Variants in ITGA9 observed in about 807,000 individuals in gnomAD.
ITGA9 encodes integrin alpha-9.
In ITGA9, 56 loss-of-function variants were observed where a neutral mutation model predicts 127.8. That is an observed-to-expected ratio of 0.44 (90% CI 0.35 to 0.55). The LOEUF is 0.55. ITGA9 is among the 20% of genes least tolerant of loss of function. The pLI is 0.00. For missense variants in ITGA9, 1,196 were observed against 1,347.1 expected (o/e 0.89, Z 1.76); for synonymous variants, 508 against 514.5 (o/e 0.99, Z 0.17).
At chr3:37,692,375 C>T (rs1575194921) in intron 18 of ITGA9, among the ~76,000 whole-genome samples, 1 of 150,948 alleles carries the variant, frequency 6.6e-6, no homozygotes, top group South Asian at 2.1e-4. Context: ...CAAAAATTAT[C>T]AGTCATTGTC....
In ITGA9 at chr3:37,455,266, A is replaced by G. The variant is rs147218199; in HGVS notation, c.185+2707A>G. ...TCATTTTCAATTATTCGTGATTGCA[A>G]ACAGCAGCAGGGGTAAACAACCTTT... On this transcript the variant is annotated intron_variant, in intron 1 of 27. Transcript: ENST00000264741. Among the ~76,000 whole-genome samples, 113 of 152,320 alleles carry G rather than the reference A, an allele frequency of 7.4e-4. 1 individual carries two copies. In the Middle Eastern group the frequency reaches 0.027, roughly 37 times the overall value.
Position 37,741,772 on chromosome 3 carries a change from C to T in ITGA9, c.2277C>T (p.Leu759=), listed in dbSNP as rs768799334. The change falls in exon 21 of 28, where the codon CTC becomes CTT. Residue 759 remains leucine (L), a synonymous_variant. Coordinates refer to ENST00000264741, the MANE Select transcript of ITGA9 (RefSeq NM_002207.3). ...CTGAATCCCTGCATGACAACACCCT[C>T]GTGCTGATGGTGCCACTGATGCACG... The part of the protein sequence containing the change: ...ERSESLHDNT[L]VLMVPLMHEV... The T allele has an allele frequency of 1.1e-5, 17 of 1,613,774 alleles. No individual in the cohort carries two copies. The Admixed American group carries it at 2.2e-4, about 21-fold the overall frequency.
At chr3:37,455,243 A>AT (rs2125544540) in intron 1 of ITGA9, among the ~76,000 whole-genome samples, 1 of 152,302 alleles carries the variant, frequency 6.6e-6, no homozygotes, top group Non-Finnish European at 1.5e-5. Flanking sequence ...CATGTCAGTC[A>AT]TTTTCAATTA....
At chr3:37,816,342 A>G (rs999535451) in intron 27 of ITGA9, among the ~76,000 whole-genome samples, 3 of 152,186 alleles carry the variant, frequency 2.0e-5, no homozygotes, top group African/African-American at 7.2e-5. Context: ...CTCTGGAATT[A>G]CAACTGAGTG....
chr3:37,674,088 A>T (rs1700660503), intron 17 of ITGA9, among the ~76,000 whole-genome samples: 1 of 152,210 alleles, frequency 6.6e-6, no homozygotes. Context: ...TGGCGGCATT[A>T]TTCTTAGGAG....
chr3:37,760,533 G>C (rs1696711656), intron 23 of ITGA9, among the ~76,000 whole-genome samples: 1 of 151,844 alleles, frequency 6.6e-6, no homozygotes, highest in Non-Finnish European at 1.5e-5. Flanking sequence ...AGAAAAGAGG[G>C]CAGAAAAAAA....
chr3:37,457,497 C>G (rs1409531594), intron 1 of ITGA9, among the ~76,000 whole-genome samples: 1 of 152,186 alleles, frequency 6.6e-6, no homozygotes, highest in East Asian at 1.9e-4. Context: ...GTGGTGGGAG[C>G]CCTGCCTTCT....
At chr3:37,782,640 C>T (rs1484749772) in intron 25 of ITGA9, among the ~76,000 whole-genome samples, 2 of 152,228 alleles carry the variant, frequency 1.3e-5, no homozygotes, top group Non-Finnish European at 2.9e-5. Context: ...CTGAAGCCAG[C>T]TACAGCCTCC....
chr3:37,467,628 G>A (rs988082752), intron 1 of ITGA9, among the ~76,000 whole-genome samples: 2 of 152,188 alleles, frequency 1.3e-5, no homozygotes, highest in African/African-American at 4.8e-5. Flanking sequence ...TCCCTCGGAC[G>A]TGATGAATTC....
intron 15 of ITGA9, among the ~76,000 whole-genome samples, chr3:37,598,649 T>C (rs1336960158): frequency 6.6e-6 from 1 of 152,062 alleles, no homozygotes; most frequent in African/African-American, 2.4e-5. Context: ...CTCTATGGGA[T>C]TTTGCCCCTC....
intron 15 of ITGA9, among the ~76,000 whole-genome samples, chr3:37,598,052 C>T (rs896214775): frequency 6.6e-6 from 1 of 152,142 alleles, no homozygotes; most frequent in Non-Finnish European, 1.5e-5. Flanking sequence ...ATGTGATCTT[C>T]GGTGATTTAT....
intron 23 of ITGA9, among the ~76,000 whole-genome samples, chr3:37,756,552 C>T (rs991124754): frequency 4.6e-5 from 7 of 152,172 alleles, no homozygotes; most frequent in African/African-American, 1.7e-4. Context: ...CCTTGTTTAC[C>T]AGCTATGGCA....
intron 26 of ITGA9, among the ~76,000 whole-genome samples, chr3:37,792,167 G>A (rs192766140): frequency 3.3e-5 from 5 of 152,188 alleles, no homozygotes; most frequent in Admixed American, 6.5e-5. Flanking sequence ...GAAAACTCTC[G>A]GTATAGTTTT....
chr3:37,776,557 A>G (rs1259009163), intron 23 of ITGA9, among the ~76,000 whole-genome samples: 1 of 152,248 alleles, frequency 6.6e-6, no homozygotes, highest in Non-Finnish European at 1.5e-5. Flanking sequence ...GCCTTCAGCT[A>G]CAACCAGTGT....
chr3:37,499,262 A>C (rs1238689297), intron 5 of ITGA9, among the ~76,000 whole-genome samples: 2 of 152,224 alleles, frequency 1.3e-5, no homozygotes, highest in African/African-American at 2.4e-5. Flanking sequence ...AGAAGCCTAG[A>C]GGCACTTGGG....
At chr3:37,727,812 CT>C (rs1218492979) in intron 18 of ITGA9, among the ~76,000 whole-genome samples, 1 of 152,128 alleles carries the variant, frequency 6.6e-6, no homozygotes, top group African/African-American at 2.4e-5. Context: ...AAATCTTTGT[CT>C]TCTGAAGCAT....
chr3:37,610,163 G>C (rs1446024622), intron 15 of ITGA9, among the ~76,000 whole-genome samples: 1 of 152,182 alleles, frequency 6.6e-6, no homozygotes, highest in Non-Finnish European at 1.5e-5. Flanking sequence ...GGGAAAAAGA[G>C]GGACAGACCT....
intron 6 of ITGA9, 40 bp from the exon 7 acceptor site, chr3:37,505,959 CT>C: frequency 2.1e-6 from 3 of 1,404,246 alleles, no homozygotes; most frequent in Non-Finnish European, 3.0e-6. Context: ...CCCTTCCCTT[CT>C]TTTTCAACCG....
At position 37,758,050 on chromosome 3, in the gene ITGA9, G is replaced by A. The variant is rs987062589; in HGVS notation, c.2541+7481G>A. 5.9e-5 allele frequency among the ~76,000 whole-genome samples: 9 copies of A among 151,620 alleles called. 1 individual carries two copies. In the South Asian group the frequency reaches 6.2e-4, roughly 10 times the overall value. On this transcript the variant is annotated intron_variant, in intron 23 of 27. Transcript: ENST00000264741. ...ATAAATTGCAAATTGAGGGCCGGGC[G>A]CGGTGGCTCACGCCTGTAATCCCAG...
Sources: gnomAD v4.1 joint callset for allele counts (sites outside exome capture counted in the v4.1 genomes callset) on GRCh38, gnomAD v4.1.1 for gene constraint, MANE v1.5 for transcripts, NCBI Gene and HGNC (gene_info 2026-07-23, HGNC 2026-07-21) for gene names.